AGMO: variants seen among roughly 807,000 people sequenced by gnomAD.
The protein encoded by AGMO is alkylglycerol monooxygenase.
Under a neutral mutation model 60.2 loss-of-function variants are expected in AGMO, and 75 were observed. The ratio of observed to expected loss-of-function variants is 1.25; its 90% CI spans 1.03 to 1.51. AGMO has a LOEUF of 1.51. Among genes scored for constraint, AGMO ranks in the 40% most tolerant of loss-of-function variants. The pLI is 0.00. For synonymous variants in AGMO, 261 were observed against 177.1 expected (o/e 1.47, Z -3.76); for missense variants, 763 against 525.5 (o/e 1.45, Z -4.42).
chr7:15,202,538 A>C (rs1330246449), intron 12 of AGMO, among the ~76,000 whole-genome samples: 1 of 145,528 alleles, frequency 6.9e-6, no homozygotes, highest in Non-Finnish European at 1.5e-5. Flanking sequence ...GTTCAGTTTC[A>C]TATGAACCTC....
intron 12 of AGMO, among the ~76,000 whole-genome samples, chr7:15,208,037 C>T (rs2115473073): frequency 6.6e-6 from 1 of 152,258 alleles, no homozygotes; most frequent in African/African-American, 2.4e-5. Context: ...TTGATTATGT[C>T]TGCGATTTAT....
chr7:15,127,592 T>A, the AGMO span, among the ~76,000 whole-genome samples: 1 of 152,040 alleles, frequency 6.6e-6, no homozygotes, highest in Non-Finnish European at 1.5e-5. Context: ...TTCACTTAGC[T>A]AGTCTAGATA....
chr7:15,360,149 G>A (rs1782692421), intron 12 of AGMO, among the ~76,000 whole-genome samples: 1 of 152,122 alleles, frequency 6.6e-6, no homozygotes, highest in African/African-American at 2.4e-5. Context: ...ACCAAGGTAG[G>A]TACTACTTTT....
At position 15,395,311 on chromosome 7, in the gene AGMO, G is replaced by A. The variant is rs557032163; in HGVS notation, c.610-1132C>T. Among the ~76,000 whole-genome samples the A allele has an allele frequency of 5.9e-5, 9 of 152,244 alleles. No homozygotes were observed. The South Asian group carries it at 1.5e-3, about 25-fold the overall frequency. On this transcript the variant is annotated intron_variant, in intron 5 of 12. Coordinates refer to ENST00000342526, the MANE Select transcript of AGMO (RefSeq NM_001004320.2). ...ATTGATATGAATTTGATAAGTCAGT[G>A]TCACGGGAAGAAATAGAGATAAGAC...
chr7:15,224,587 C>G (rs1782021118), intron 12 of AGMO, among the ~76,000 whole-genome samples: 1 of 152,000 alleles, frequency 6.6e-6, no homozygotes, highest in African/African-American at 2.4e-5. Context: ...GCCATCTCAT[C>G]TATGGTATCC....
At chr7:15,555,636 C>G (rs897120318) in intron 2 of AGMO, among the ~76,000 whole-genome samples, 1 of 151,776 alleles carries the variant, frequency 6.6e-6, no homozygotes, top group Non-Finnish European at 1.5e-5. Flanking sequence ...AACCATAAAC[C>G]TTTATAAACA....
intron 12 of AGMO, among the ~76,000 whole-genome samples, chr7:15,219,260 G>A (rs907557689): frequency 6.6e-6 from 1 of 152,184 alleles, no homozygotes; most frequent in Non-Finnish European, 1.5e-5. Context: ...AATGCAGTGT[G>A]CTGTGTGCAG....
At chr7:15,271,671 C>T (rs1783615189) in intron 12 of AGMO, among the ~76,000 whole-genome samples, 1 of 151,974 alleles carries the variant, frequency 6.6e-6, no homozygotes, top group South Asian at 2.1e-4. Flanking sequence ...TTTCACTTGC[C>T]TGATTGCTAT....
chr7:15,444,947 G>A (rs1781659916), intron 3 of AGMO, among the ~76,000 whole-genome samples: 1 of 152,158 alleles, frequency 6.6e-6, no homozygotes, highest in African/African-American at 2.4e-5. Context: ...AGGCCAGGGA[G>A]CTGACATCTA....
At chr7:15,257,832 A>C (rs1256609964) in intron 12 of AGMO, among the ~76,000 whole-genome samples, 1 of 152,192 alleles carries the variant, frequency 6.6e-6, no homozygotes, top group Non-Finnish European at 1.5e-5. Context: ...TCTGTGTGCA[A>C]CTGTTGTGGG....
chr7:15,233,152 A>C (rs1782307852), intron 12 of AGMO, among the ~76,000 whole-genome samples: 1 of 152,224 alleles, frequency 6.6e-6, no homozygotes, highest in African/African-American at 2.4e-5. Flanking sequence ...CCAGGGAAGG[A>C]GAAAGGGAAT....
chr7:15,295,072 T>C (rs1784372497), intron 12 of AGMO, among the ~76,000 whole-genome samples: 1 of 151,824 alleles, frequency 6.6e-6, no homozygotes, highest in Admixed American at 6.6e-5. Context: ...TGAACATAAT[T>C]ATAATTGCAA....
chr7:15,175,782 A>G, the AGMO span, among the ~76,000 whole-genome samples: 1 of 152,004 alleles, frequency 6.6e-6, no homozygotes, highest in African/African-American at 2.4e-5. Context: ...TATAGATTAA[A>G]TATTATTTTC....
intron 12 of AGMO, among the ~76,000 whole-genome samples, chr7:15,340,005 ATACAAG>A (rs1020867530): frequency 9.8e-5 from 15 of 152,316 alleles, no homozygotes; most frequent in Admixed American, 4.6e-4. Context: ...CATAGCACAG[ATACAAG>A]TACAAGTTGA....
intron 12 of AGMO, among the ~76,000 whole-genome samples, chr7:15,260,349 G>A (rs1783233318): frequency 6.6e-6 from 1 of 151,912 alleles, no homozygotes; most frequent in Admixed American, 6.6e-5. Flanking sequence ...AACACCACAA[G>A]AGAGCAGGAG....
chr7:15,528,797 C>T (rs867008154), intron 3 of AGMO, among the ~76,000 whole-genome samples: 34 of 152,118 alleles, frequency 2.2e-4, no homozygotes, highest in Middle Eastern at 3.4e-3. Context: ...TACAGGCATG[C>T]GCCACCACAC....
chr7:15,551,390 A>T (rs1784955961), intron 2 of AGMO, among the ~76,000 whole-genome samples: 1 of 149,780 alleles, frequency 6.7e-6, no homozygotes, highest in East Asian at 2.0e-4. Flanking sequence ...CCCTGTTTGC[A>T]GACGACATGA....
chr7:15,443,305 T>C (rs1195887320), intron 3 of AGMO, among the ~76,000 whole-genome samples: 1 of 152,188 alleles, frequency 6.6e-6, no homozygotes, highest in Admixed American at 6.5e-5. Context: ...CCCTAGATGC[T>C]GTCGTGGGGT....
At chr7:15,203,288 G>T (rs1781353123) in intron 12 of AGMO, among the ~76,000 whole-genome samples, 1 of 152,048 alleles carries the variant, frequency 6.6e-6, no homozygotes, top group African/African-American at 2.4e-5. Context: ...AAGTGGAAAA[G>T]ATTACAAGTC....
Sources: gnomAD v4.1 joint callset for allele counts (sites outside exome capture counted in the v4.1 genomes callset) on GRCh38, gnomAD v4.1.1 for gene constraint, MANE v1.5 for transcripts, NCBI Gene and HGNC (gene_info 2026-07-23, HGNC 2026-07-21) for gene names.